Variants in PLXNA4 observed in about 807,000 individuals in gnomAD.
PLXNA4 encodes plexin-A4.
PLXNA4 carries 44 observed loss-of-function variants against 191.8 expected under a neutral mutation model. That is an observed-to-expected ratio of 0.23 (90% CI 0.18 to 0.29). The LOEUF (loss-of-function observed/expected upper bound fraction) is 0.29. Among genes scored for constraint, PLXNA4 ranks in the 10% least tolerant of loss-of-function variants. The probability of loss-of-function intolerance (pLI) is 1.00; values close to 1 mark genes in which losing one functional copy is unlikely to be tolerated. For missense variants in PLXNA4, 1,800 were observed against 2,488.8 expected (o/e 0.72, Z 5.89); for synonymous variants, 1,082 against 1,009.5 (o/e 1.07, Z -1.36).
chr7:132,224,892 C>A (rs1298768259), intron 8 of PLXNA4, among the ~76,000 whole-genome samples: 1 of 152,204 alleles, frequency 6.6e-6, no homozygotes, highest in Non-Finnish European at 1.5e-5. Flanking sequence ...CTGGTCATGT[C>A]AGCTACCTAT....
intron 5 of PLXNA4, among the ~76,000 whole-genome samples, chr7:132,230,845 G>A (rs1310904790): frequency 6.6e-6 from 1 of 152,224 alleles, no homozygotes; most frequent in African/African-American, 2.4e-5. Context: ...ATTATGAAGA[G>A]AGCGAAAAGC....
At chr7:132,451,133 C>T (rs1185405434) in intron 3 of PLXNA4, among the ~76,000 whole-genome samples, 2 of 152,200 alleles carry the variant, frequency 1.3e-5, no homozygotes, top group East Asian at 1.9e-4. Context: ...AAGGAAGGAG[C>T]GTGAGGCCAG....
intron 30 of PLXNA4, among the ~76,000 whole-genome samples, chr7:132,139,191 T>C (rs1157980474): frequency 6.6e-6 from 1 of 152,014 alleles, no homozygotes; most frequent in East Asian, 1.9e-4. Flanking sequence ...CCTGCATCAG[T>C]AGGAAAGGAG....
intron 3 of PLXNA4, among the ~76,000 whole-genome samples, chr7:132,316,748 CT>C (rs1801959877): frequency 6.6e-6 from 1 of 152,190 alleles, no homozygotes. Flanking sequence ...ACCTGTTGTT[CT>C]TACCATGCTA....
intron 8 of PLXNA4, 52 bp from the exon 9 acceptor site, chr7:132,223,693 G>A: frequency 6.8e-7 from 1 of 1,462,084 alleles, no homozygotes. Context: ...TGAGCCCAAA[G>A]CAGAGGGCTT....
At chr7:132,382,025 G>GAA (rs5887572) in intron 3 of PLXNA4, among the ~76,000 whole-genome samples, 2 of 151,972 alleles carry the variant, frequency 1.3e-5, no homozygotes, top group African/African-American at 2.4e-5. Context: ...GAGGAGGGGG[G>GAA]AAAACACAGA....
At chr7:132,431,931 T>A (rs1057254830) in intron 3 of PLXNA4, among the ~76,000 whole-genome samples, 2 of 152,190 alleles carry the variant, frequency 1.3e-5, no homozygotes, top group Non-Finnish European at 2.9e-5. Context: ...TCATAATCAA[T>A]GCCTGCCTGA....
At chr7:132,534,285 A>C (rs988872046) in intron 1 of PLXNA4, among the ~76,000 whole-genome samples, 3 of 152,132 alleles carry the variant, frequency 2.0e-5, no homozygotes, top group Non-Finnish European at 4.4e-5. Context: ...CTCTGCTCCA[A>C]GTCTCCCCAA....
At chr7:132,160,279 C>T (rs1460105781) in intron 24 of PLXNA4, among the ~76,000 whole-genome samples, 1 of 152,180 alleles carries the variant, frequency 6.6e-6, no homozygotes, top group Non-Finnish European at 1.5e-5. Flanking sequence ...ATTGCAGGTT[C>T]AGGACACCTG....
intron 30 of PLXNA4, among the ~76,000 whole-genome samples, chr7:132,136,953 T>C (rs375445679): frequency 6.6e-6 from 1 of 152,238 alleles, no homozygotes; most frequent in South Asian, 2.1e-4. Context: ...ACTTCCCCAC[T>C]ATGATGCTTG....
chr7:132,305,363 C>A (rs1001869090), intron 3 of PLXNA4, among the ~76,000 whole-genome samples: 10 of 62,770 alleles, frequency 1.6e-4, no homozygotes, highest in African/African-American at 7.8e-4. Flanking sequence ...TTACCAAGAA[C>A]ACACACACAC....
chr7:132,174,862 C>G lies in PLXNA4; in HGVS notation c.3933G>C (p.Gly1311=). The change falls in exon 21 of 32, where the codon GGG becomes GGC. Residue 1311 remains glycine, a synonymous_variant. Transcript: ENST00000321063. ...AAGTTCTATAGTCCAGGAACGGAAT[C>G]CCGGCTCCATCCAGGTCACTGGTCA... ...HELTSDLDGA[G]IPFLDYRTYT... 2 of 1,614,212 alleles carry G rather than the reference C, an allele frequency of 1.2e-6. No individual in the cohort carries two copies. The highest frequency in any genetic ancestry group is 1.7e-6 in the Non-Finnish European group (2 of 1,180,038).
chr7:132,576,004 C>T lies in PLXNA4; in HGVS notation c.-87+418G>A, dbSNP rs1288925854. Among the ~76,000 whole-genome samples, 1 of 152,162 alleles carries T rather than the reference C, an allele frequency of 6.6e-6. No individual in the cohort carries two copies. The highest frequency in any genetic ancestry group is 1.5e-5 in the Non-Finnish European group (1 of 68,036). On this transcript the variant is annotated intron_variant, in intron 1 of 31. Transcript: ENST00000321063. This position sits in a 1 kb window ranked among gnomAD's most constrained non-coding sequence, Gnocchi z 5.8. ...GGCCGCGATGACACTGGGTAGGTCT[C>T]CGGAAACCTCTCAGGACTTCTCCCA...
At position 132,444,778 on chromosome 7, in the gene PLXNA4, G is replaced by A. The variant is rs544307589; in HGVS notation, c.1371+44514C>T. On this transcript the variant is annotated intron_variant, in intron 3 of 31. Coordinates refer to ENST00000321063, the MANE Select transcript of PLXNA4 (RefSeq NM_020911.2). ...TTCCCCACACCTGAGTGGTCTGCTG[G>A]TCACCGTCAGTAGACCATGCATGCA... Among the ~76,000 whole-genome samples the A allele has an allele frequency of 7.9e-5, 12 of 152,048 alleles. 1 individual carries two copies. The highest frequency in any genetic ancestry group is 3.3e-4 in the Admixed American group (5 of 15,264).
chr7:132,154,364 G>A (rs186571922), intron 25 of PLXNA4, among the ~76,000 whole-genome samples: 2 of 151,932 alleles, frequency 1.3e-5, no homozygotes, highest in African/African-American at 2.4e-5. Context: ...TGCTAAAAAG[G>A]TCAGAAAATT....
intron 2 of PLXNA4, among the ~76,000 whole-genome samples, chr7:132,641,415 T>C (rs182858237): frequency 2.0e-5 from 3 of 152,288 alleles, no homozygotes; most frequent in African/African-American, 7.2e-5. Context: ...ACACATCCCT[T>C]GTGTCTCTTG....
intron 10 of PLXNA4, among the ~76,000 whole-genome samples, chr7:132,207,172 T>A (rs1006229136): frequency 2.6e-5 from 4 of 152,196 alleles, no homozygotes; most frequent in African/African-American, 9.6e-5. Flanking sequence ...ACTGTGTCCA[T>A]CTCTAGTCCA....
chr7:132,424,417 G>T (rs1794962699), intron 3 of PLXNA4, among the ~76,000 whole-genome samples: 1 of 152,220 alleles, frequency 6.6e-6, no homozygotes, highest in Non-Finnish European at 1.5e-5. Context: ...CAGTAGAGGG[G>T]GCACTGCTCC....
chr7:132,537,749 T>C (rs1254917356), intron 1 of PLXNA4, among the ~76,000 whole-genome samples: 1 of 152,148 alleles, frequency 6.6e-6, no homozygotes, highest in Non-Finnish European at 1.5e-5. Flanking sequence ...AAATTCACAA[T>C]GACAGCAAAG....
Sources: allele counts gnomAD v4.1 joint callset (sites outside exome capture counted in the v4.1 genomes callset), GRCh38; gene constraint gnomAD v4.1.1; non-coding constraint Gnocchi (gnomAD v3.1); transcripts MANE v1.5; gene names NCBI Gene and HGNC (gene_info 2026-07-23, HGNC 2026-07-21).